Variants in EPSTI1 observed in about 807,000 individuals in gnomAD.
The protein encoded by EPSTI1 is epithelial-stromal interaction protein 1.
In EPSTI1, 66 loss-of-function variants were observed where a neutral mutation model predicts 49.9. The ratio of observed to expected loss-of-function variants is 1.32; its 90% CI spans 1.08 to 1.62. The LOEUF (loss-of-function observed/expected upper bound fraction) is 1.62, where lower values mean the gene tolerates loss of function less well. Among genes scored for constraint, EPSTI1 ranks in the 40% most tolerant of loss-of-function variants. The probability of loss-of-function intolerance (pLI) is 0.00; values close to 1 mark genes in which losing one functional copy is unlikely to be tolerated. For synonymous variants in EPSTI1, 137 were observed against 130.7 expected (o/e 1.05, Z -0.33); for missense variants, 394 against 365.5 (o/e 1.08, Z -0.64).
intron 6 of EPSTI1, among the ~76,000 whole-genome samples, chr13:42,933,312 TAAAA>T (rs1178617129): frequency 1.3e-5 from 1 of 77,346 alleles, no homozygotes; most frequent in African/African-American, 3.7e-5. Context: ...ACATAAAAAG[TAAAA>T]AAAAAAAAAA....
chr13:42,953,953 C>T lies in EPSTI1; in HGVS notation c.558G>A (p.Gln186=), dbSNP rs2153428804. The T allele has an allele frequency of 1.2e-6, 2 of 1,612,302 alleles. No homozygotes were observed. The highest frequency in any genetic ancestry group is 4.5e-5 in the East Asian group (2 of 44,850). The change falls in exon 6 of 11, where the codon CAG becomes CAA. Residue 186 remains glutamine, a synonymous_variant. Transcript: ENST00000313624. ...NLRREAFREH[Q]QYKTAEFLSK... is the part of the protein sequence containing the mutation. The stretch of plus-strand genomic sequence containing the variant: ...TTCTGAAAACATTAACTTACTATTG[C>T]TGATGCTCTCTAAATGCTTCTCTTC...
chr13:42,960,818 C>T (rs2025395), intron 5 of EPSTI1, among the ~76,000 whole-genome samples: 27,579 of 152,076 alleles, frequency 0.18, 2,686 homozygotes, highest in Middle Eastern at 0.26. Flanking sequence ...CTGAGTCTTT[C>T]TCCTGGTATC....
intron 8 of EPSTI1, among the ~76,000 whole-genome samples, chr13:42,904,581 T>C (rs1347668795): frequency 1.3e-5 from 2 of 152,174 alleles, no homozygotes; most frequent in African/African-American, 2.4e-5. Flanking sequence ...TTCACAGTTA[T>C]ATTATTGAAA....
intron 8 of EPSTI1, 116 bp downstream of exon 8, chr13:42,917,425 T>G: frequency 1.1e-6 from 1 of 915,236 alleles, no homozygotes; most frequent in South Asian, 1.5e-5. Flanking sequence ...TTTCAATGCT[T>G]GTATTCTTGT....
intron 8 of EPSTI1, among the ~76,000 whole-genome samples, chr13:42,904,964 T>C (rs184720436): frequency 7.7e-4 from 117 of 152,194 alleles, no homozygotes; most frequent in African/African-American, 2.7e-3. Flanking sequence ...CTATCTTACA[T>C]AGTTTTTGTT....
At chr13:42,943,028 C>G (rs1450451403) in intron 6 of EPSTI1, among the ~76,000 whole-genome samples, 1 of 152,220 alleles carries the variant, frequency 6.6e-6, no homozygotes, top group Non-Finnish European at 1.5e-5. Context: ...CATATTTGAC[C>G]AAAAATGTCA....
chr13:42,903,664 G>A (rs2037422113), intron 8 of EPSTI1, among the ~76,000 whole-genome samples: 1 of 152,160 alleles, frequency 6.6e-6, no homozygotes, highest in Admixed American at 6.5e-5. Flanking sequence ...ACCAATGCAG[G>A]TGACAGAGTT....
Position 42,905,839 on chromosome 13 carries a change from G to A in EPSTI1, c.742-5456C>T, listed in dbSNP as rs559763312. On this transcript the variant is annotated intron_variant, in intron 8 of 10. Transcript: ENST00000313624. ...AACACAAAATTAAGCTACATGACAT[G>A]GGAATACAAGGAAGGAATGCAAACA... is the stretch of plus-strand genomic sequence containing the variant. Among the ~76,000 whole-genome samples, 11 of 152,306 alleles carry A rather than the reference G, an allele frequency of 7.2e-5. No homozygotes were observed. The East Asian group carries it at 2.1e-3, about 29-fold the overall frequency.
chr13:42,943,611 A>G (rs1396679428), intron 6 of EPSTI1, among the ~76,000 whole-genome samples: 2 of 152,208 alleles, frequency 1.3e-5, no homozygotes, highest in African/African-American at 4.8e-5. Context: ...GAGAACATGG[A>G]TGGTACTAGG....
intron 8 of EPSTI1, among the ~76,000 whole-genome samples, chr13:42,911,007 T>G (rs1393086015): frequency 6.6e-6 from 1 of 152,232 alleles, no homozygotes; most frequent in Non-Finnish European, 1.5e-5. Context: ...AATGTCTTTT[T>G]GTGTAACTAA....
rs763433192 is a variant in EPSTI1, at chr13:42,895,421, C to T, written c.816-313G>A. The stretch of plus-strand genomic sequence containing the variant: ...GAAACTACAGCCCTCAGAATCATGC[C>T]AGGTATGAACCTCAGAGGCTGGAGA... On this transcript the variant is annotated intron_variant, in intron 9 of 10. Coordinates refer to ENST00000313624, the MANE Select transcript of EPSTI1 (RefSeq NM_033255.5). Among the ~76,000 whole-genome samples the T allele has an allele frequency of 3.2e-4, 49 of 152,200 alleles. 1 individual carries two copies. Among genetic ancestry groups the T allele is most frequent in the Non-Finnish European group, 4.9e-4 (33 of 68,034 alleles).
chr13:42,921,861 G>A (rs2038007892), intron 7 of EPSTI1, among the ~76,000 whole-genome samples: 1 of 132,960 alleles, frequency 7.5e-6, no homozygotes. Context: ...GATCCAGGAG[G>A]GAGAGAAAAA....
At chr13:42,892,060 T>C (rs1210138519) in intron 10 of EPSTI1, among the ~76,000 whole-genome samples, 2 of 151,980 alleles carry the variant, frequency 1.3e-5, no homozygotes, top group African/African-American at 2.4e-5. Context: ...ACAAACCATA[T>C]GGATATTTTG....
At position 42,922,073 on chromosome 13, in the gene EPSTI1, A is replaced by G. The variant is rs1321167643; in HGVS notation, c.657+4263T>C. Among the ~76,000 whole-genome samples, 1 of 152,212 alleles carries G rather than the reference A, an allele frequency of 6.6e-6. No individual in the cohort carries two copies. Among genetic ancestry groups the G allele is most frequent in the East Asian group, 1.9e-4 (1 of 5,192 alleles). ...GTATACCGACTGGCTTGGCAGTGAG[A>G]AAACGTGTATATAGTCATAATAGGG... On this transcript the variant is annotated intron_variant, in intron 7 of 10. Transcript: ENST00000313624. This position sits in a 1 kb window ranked among gnomAD's most constrained non-coding sequence, Gnocchi z 4.8.
intron 1 of EPSTI1, among the ~76,000 whole-genome samples, chr13:42,985,333 G>C (rs1026207633): frequency 6.6e-6 from 1 of 152,222 alleles, no homozygotes; most frequent in South Asian, 2.1e-4. Context: ...GGTAGAATCA[G>C]TCCAAGGCTG....
rs773200280 is a variant in EPSTI1 at position 42,917,636 on chromosome 13, C to CAAAA, written c.658-13_658-12insTTTT. 8.5e-5 allele frequency: 13 copies of CAAAA among 153,432 alleles called. No homozygotes were observed. The highest frequency in any genetic ancestry group is 2.5e-4 in the South Asian group (4 of 15,790). The allele number at this position is 153,432 out of a possible 1,614,324, so 9.5% of individuals were successfully genotyped here. A position where few individuals can be genotyped will look rare whatever the true frequency, so the allele number is the denominator to read the frequency against. On this transcript the variant is annotated splice_polypyrimidine_tract_variant and intron_variant, in intron 7 of 10. Coordinates refer to ENST00000313624, the MANE Select transcript of EPSTI1 (RefSeq NM_033255.5). ...GCCCAGCTTCTGGCCTGTAAAGGTA[C>CAAAA]AAAGAGAAAAAAAAAAAAAAAAACA...
intron 1 of EPSTI1, among the ~76,000 whole-genome samples, chr13:42,970,994 T>C (rs923506142): frequency 3.9e-5 from 6 of 152,230 alleles, no homozygotes; most frequent in African/African-American, 1.4e-4. Context: ...TGGCTTTAGA[T>C]TGGCATTCTC....
intron 1 of EPSTI1, among the ~76,000 whole-genome samples, chr13:42,974,462 C>T (rs549163150): frequency 2.6e-5 from 4 of 152,028 alleles, no homozygotes; most frequent in Non-Finnish European, 5.9e-5. Context: ...TTGAGACCAT[C>T]CTGGCTAACA....
At chr13:42,927,748 C>T (rs912452639) in intron 6 of EPSTI1, among the ~76,000 whole-genome samples, 1 of 152,166 alleles carries the variant, frequency 6.6e-6, no homozygotes, top group African/African-American at 2.4e-5. Context: ...AGACGAGCAG[C>T]CTTTCCATTT....
Sources: gnomAD v4.1 joint callset for allele counts (sites outside exome capture counted in the v4.1 genomes callset) on GRCh38, gnomAD v4.1.1 for gene constraint, Gnocchi (gnomAD v3.1) non-coding constraint, MANE v1.5 for transcripts, NCBI Gene and HGNC (gene_info 2026-07-23, HGNC 2026-07-21) for gene names.